THSD7B: variants seen among roughly 807,000 people sequenced by gnomAD.
THSD7B encodes thrombospondin type 1 domain containing 7B.
In THSD7B, 138 loss-of-function variants were observed where a neutral mutation model predicts 213.6. That is an observed-to-expected ratio of 0.65 (90% CI 0.56 to 0.74). The LOEUF is 0.74. THSD7B is among the 30% of genes least tolerant of loss of function. The probability of loss-of-function intolerance (pLI) is 0.00; values close to 1 mark genes in which losing one functional copy is unlikely to be tolerated. For missense variants in THSD7B, 1,931 were observed against 1,991.5 expected, an observed-to-expected ratio of 0.97 and a Z score of 0.58; for synonymous variants, 742 against 687.0, an observed-to-expected ratio of 1.08 and a Z score of -1.25.
At chr2:137,072,106 A>G (rs1472545653) in intron 3 of THSD7B, among the ~76,000 whole-genome samples, 2 of 152,126 alleles carry the variant, frequency 1.3e-5, no homozygotes, top group East Asian at 3.8e-4. Context: ...TTTTGGTTCC[A>G]TATGAACTTT....
In THSD7B at chr2:137,056,895, G is replaced by T; in HGVS notation, c.615G>T (p.Ala205=). The T allele has an allele frequency of 6.2e-7, 1 of 1,613,812 alleles. No individual in the cohort carries two copies. The highest frequency in any genetic ancestry group is 8.5e-7 in the Non-Finnish European group (1 of 1,179,860). ...CGKKLQHRTR[A]VIAPPLFGGL... is the part of the protein sequence containing the mutation. ...AGAAATTGCAGCATAGAACTCGCGC[G>T]GTCATAGCTCCCCCTCTCTTTGGTG... Residue 205 remains alanine (A), a synonymous_variant, in exon 3 of 28, where the codon GCG becomes GCT. Coordinates refer to ENST00000409968, the MANE Select transcript of THSD7B (RefSeq NM_001316349.2).
intron 1 of THSD7B, among the ~76,000 whole-genome samples, chr2:136,819,763 C>G (rs1682540478): frequency 6.6e-6 from 1 of 152,102 alleles, no homozygotes; most frequent in Non-Finnish European, 1.5e-5. Flanking sequence ...CATTTCCTCT[C>G]CCTCCCTTCT....
At chr2:137,586,880 C>G (rs971294450) in intron 17 of THSD7B, among the ~76,000 whole-genome samples, 2 of 152,162 alleles carry the variant, frequency 1.3e-5, no homozygotes, top group Admixed American at 1.3e-4. Context: ...TGAATGTTGG[C>G]CTGCCTTGCT....
intron 15 of THSD7B, among the ~76,000 whole-genome samples, chr2:137,454,424 G>GTCTGTCTGTCTGTCTA (rs1178884446): frequency 2.1e-5 from 3 of 140,142 alleles, no homozygotes; most frequent in African/African-American, 8.1e-5. Context: ...CTGTCTGTCT[G>GTCTGTCTGTCTGTCTA]TCTATCTATC....
intron 15 of THSD7B, among the ~76,000 whole-genome samples, chr2:137,510,131 A>G (rs1457414097): frequency 6.6e-6 from 1 of 152,148 alleles, no homozygotes; most frequent in Non-Finnish European, 1.5e-5. Context: ...AGTAATTGGT[A>G]TGATTGGATT....
chr2:136,837,527 G>A (rs756232470), intron 1 of THSD7B, among the ~76,000 whole-genome samples: 1 of 152,164 alleles, frequency 6.6e-6, no homozygotes, highest in Non-Finnish European at 1.5e-5. Flanking sequence ...GTCTAAAATA[G>A]CAACTCTGCC....
intron 14 of THSD7B, among the ~76,000 whole-genome samples, chr2:137,417,042 A>G (rs919823094): frequency 6.6e-6 from 1 of 152,222 alleles, no homozygotes; most frequent in African/African-American, 2.4e-5. Context: ...TCATTAGTAT[A>G]TCATCCACAT....
intron 2 of THSD7B, among the ~76,000 whole-genome samples, chr2:137,040,890 C>A (rs1165510970): frequency 1.3e-5 from 2 of 152,110 alleles, no homozygotes; most frequent in African/African-American, 4.8e-5. Flanking sequence ...GTGGTATAAG[C>A]TTTGATAATG....
At chr2:136,824,209 C>T (rs972578927) in intron 1 of THSD7B, among the ~76,000 whole-genome samples, 1 of 152,036 alleles carries the variant, frequency 6.6e-6, no homozygotes, top group African/African-American at 2.4e-5. Flanking sequence ...CTTTTAAAAA[C>T]ATTTTCTAAA....
At chr2:137,642,371 A>G in intron 20 of THSD7B, 117 bp from the exon 21 acceptor site, 2 of 1,250,222 alleles carry the variant, frequency 1.6e-6, no homozygotes, top group Non-Finnish European at 2.2e-6. Flanking sequence ...AAAGTGAGAT[A>G]GGACAGAGTT....
intron 15 of THSD7B, among the ~76,000 whole-genome samples, chr2:137,555,055 C>T (rs1680928462): frequency 6.6e-6 from 1 of 152,224 alleles, no homozygotes; most frequent in South Asian, 2.1e-4. Flanking sequence ...GAAGCTCAAA[C>T]TGGGTGGAGC....
At chr2:137,094,805 G>T in intron 3 of THSD7B, 68 bp from the exon 4 acceptor site, 1 of 1,519,106 alleles carries the variant, frequency 6.6e-7, no homozygotes, top group African/African-American at 1.4e-5. Flanking sequence ...TCTCATGGTA[G>T]GCACTTTATA....
chr2:137,437,365 GC>G, intron 14 of THSD7B, among the ~76,000 whole-genome samples: 1 of 152,172 alleles, frequency 6.6e-6, no homozygotes, highest in Non-Finnish European at 1.5e-5. Flanking sequence ...TCTTGCCTGT[GC>G]CCTCACTGCT....
chr2:137,151,538 A>C (rs1679818273), intron 5 of THSD7B, among the ~76,000 whole-genome samples: 3 of 146,260 alleles, frequency 2.1e-5, no homozygotes, highest in African/African-American at 2.5e-5. Context: ...AAAAAAAAAA[A>C]CAGCAACAAA....
intron 2 of THSD7B, among the ~76,000 whole-genome samples, chr2:136,999,064 TCAA>T (rs1049951923): frequency 1.3e-5 from 2 of 152,092 alleles, no homozygotes; most frequent in Non-Finnish European, 2.9e-5. Context: ...TTCCTTCCTT[TCAA>T]CATCTATTTT....
intron 12 of THSD7B, among the ~76,000 whole-genome samples, chr2:137,387,728 A>C (rs1186317326): frequency 6.6e-6 from 1 of 152,190 alleles, no homozygotes. Context: ...AGGATTTAAG[A>C]GTTCAACTAA....
intron 1 of THSD7B, among the ~76,000 whole-genome samples, chr2:136,878,433 A>G (rs959762525): frequency 1.3e-5 from 2 of 152,192 alleles, no homozygotes; most frequent in African/African-American, 2.4e-5. Flanking sequence ...GTATATATCC[A>G]GTAATGGGAT....
At chr2:137,480,608 G>A (rs1180279647) in intron 15 of THSD7B, among the ~76,000 whole-genome samples, 1 of 152,124 alleles carries the variant, frequency 6.6e-6, no homozygotes, top group East Asian at 1.9e-4. Flanking sequence ...TCTTTATTGA[G>A]AAAAGATGAG....
intron 7 of THSD7B, among the ~76,000 whole-genome samples, chr2:137,219,236 T>A (rs1270472599): frequency 1.3e-5 from 2 of 152,110 alleles, no homozygotes; most frequent in African/African-American, 4.8e-5. Flanking sequence ...GGAAAAGACA[T>A]CAAGAATGCC....
Sources: gnomAD v4.1 joint callset for allele counts (sites outside exome capture counted in the v4.1 genomes callset) on GRCh38, gnomAD v4.1.1 for gene constraint, MANE v1.5 for transcripts, NCBI Gene and HGNC (gene_info 2026-07-23, HGNC 2026-07-21) for gene names.